TSHZ1: variants seen among roughly 807,000 people sequenced by gnomAD.
TSHZ1 encodes teashirt zinc finger homeobox 1, also known as teashirt homolog 1.
Under a neutral mutation model 67.1 loss-of-function variants are expected in TSHZ1, and 12 were observed. The ratio of observed to expected loss-of-function variants is 0.18; its 90% confidence interval spans 0.11 to 0.29. The LOEUF (loss-of-function observed/expected upper bound fraction) is 0.29, where lower values mean the gene tolerates loss of function less well. TSHZ1 is among the 10% of genes least tolerant of loss of function. The pLI is 1.00. For synonymous variants in TSHZ1, 632 were observed against 622.4 expected (o/e 1.02, Z -0.23); for missense variants, 1,305 against 1,413.9 (o/e 0.92, Z 1.23).
At chr18:75,218,950 A>G (rs978930812) in intron 1 of TSHZ1, among the ~76,000 whole-genome samples, 18 of 152,336 alleles carry the variant, frequency 1.2e-4, no homozygotes, top group African/African-American at 4.3e-4. Flanking sequence ...AATTTTTTTG[A>G]GTCAAGAATA....
intron 1 of TSHZ1, among the ~76,000 whole-genome samples, chr18:75,249,471 G>T (rs1249027260): frequency 6.7e-6 from 1 of 148,330 alleles, no homozygotes; most frequent in Non-Finnish European, 1.5e-5. Context: ...GTGGATGGGG[G>T]TGGCTTTGGT....
rs112421169 is a variant in TSHZ1, at chr18:75,267,703, G to A, written c.41-17745G>A. 2.1e-4 allele frequency among the ~76,000 whole-genome samples: 32 copies of A among 152,310 alleles called. 1 individual carries two copies. Among genetic ancestry groups the A allele is most frequent in the African/African-American group, 6.5e-4 (27 of 41,568 alleles). On this transcript the variant is annotated intron_variant, in intron 1 of 1. Transcript: ENST00000580243. ...CTGAAAAGAGGAAGAGAGACCTTTC[G>A]TATGCATATTCAGTTCTGACACATG...
chr18:75,282,676 T>A (rs2023700823), intron 1 of TSHZ1, among the ~76,000 whole-genome samples: 1 of 152,128 alleles, frequency 6.6e-6, no homozygotes, highest in African/African-American at 2.4e-5. Context: ...GGGAGAGCCC[T>A]CACCAGAAAC....
rs989536257 is a variant in TSHZ1, at chr18:75,269,540, G to C, written c.41-15908G>C. Among the ~76,000 whole-genome samples, 4 of 152,208 alleles carry C rather than the reference G, an allele frequency of 2.6e-5. No homozygotes were observed. In the East Asian group the frequency reaches 7.7e-4, roughly 29 times the overall value. Reference sequence around the variant, plus strand: ...GGAGCCTGTTTGTCGAGGGGCAGCTGTCGGGTGGAGCAGAGCTGACTCCAC... The same window carrying C: ...GGAGCCTGTTTGTCGAGGGGCAGCTCTCGGGTGGAGCAGAGCTGACTCCAC... On this transcript the variant is annotated intron_variant, in intron 1 of 1. Transcript: ENST00000580243.
chr18:75,286,791 G>A lies in TSHZ1; in HGVS notation c.1384G>A (p.Glu462Lys). 3 of 1,613,678 alleles carry A rather than the reference G, an allele frequency of 1.9e-6. No homozygotes were observed. The highest frequency in any genetic ancestry group is 1.3e-5 in the African/African-American group (1 of 75,046). Residue 462 changes from glutamate to lysine, a missense_variant, in exon 2 of 2, where the codon GAA (glutamate) becomes AAA (lysine). Around this residue, in one of 3 missense-constraint regions of TSHZ1, gnomAD observed 909 missense variants for 961.8 expected, o/e 0.95. Transcript: ENST00000580243. The surrounding 1 kb of genome is among the most constrained non-coding windows in gnomAD (Gnocchi z 5.1). ...GKQLVLDPVV[E>K]EKIQSIPLPP... ...GCAGTTGGTGCTGGACCCTGTGGTGGAAGAGAAGATCCAGTCCATCCCACT... is the reference window on the plus strand; with the variant it reads ...GCAGTTGGTGCTGGACCCTGTGGTGAAAGAGAAGATCCAGTCCATCCCACT...
chr18:75,287,455 C>T lies in TSHZ1; in HGVS notation c.2048C>T (p.Thr683Met), dbSNP rs148177355. The change falls in exon 2 of 2, where the codon ACG becomes ATG. Residue 683 changes from threonine to methionine, a missense_variant. By Grantham distance (81) the Thr-to-Met change is moderately conservative. Coordinates refer to ENST00000580243, the MANE Select transcript of TSHZ1 (RefSeq NM_001308210.2). The surrounding 1 kb of genome is among the most constrained non-coding windows in gnomAD (Gnocchi z 5.0). ...IAKENKDFPK[T>M]EEVSGKPQKK... Reference sequence around the variant, plus strand: ...AAAGAGAATAAAGATTTCCCGAAAACGGAGGAAGTCAGCGGCAAACCACAG... The same window carrying T: ...AAAGAGAATAAAGATTTCCCGAAAATGGAGGAAGTCAGCGGCAAACCACAG... 189 of 1,614,168 alleles carry T rather than the reference C, an allele frequency of 1.2e-4. No individual in the cohort carries two copies. The highest frequency in any genetic ancestry group is 7.6e-4 in the African/African-American group (57 of 75,050).
chr18:75,264,158 C>T (rs578096123), intron 1 of TSHZ1, among the ~76,000 whole-genome samples: 2 of 152,292 alleles, frequency 1.3e-5, no homozygotes, highest in South Asian at 2.1e-4. Flanking sequence ...GTACAATAAT[C>T]AGAAGTATGT....
intron 1 of TSHZ1, among the ~76,000 whole-genome samples, chr18:75,233,219 T>C (rs2023023159): frequency 6.6e-6 from 1 of 152,246 alleles, no homozygotes; most frequent in Non-Finnish European, 1.5e-5. Context: ...TGCTCCGTTA[T>C]CTCTTTAAAT....
chr18:75,271,339 A>C (rs1044507400), intron 1 of TSHZ1, among the ~76,000 whole-genome samples: 1 of 152,204 alleles, frequency 6.6e-6, no homozygotes, highest in South Asian at 2.1e-4. Flanking sequence ...GAATACTGTG[A>C]AGAATGCTTG....
intron 1 of TSHZ1, among the ~76,000 whole-genome samples, chr18:75,262,193 T>C (rs2023438384): frequency 6.6e-6 from 1 of 152,200 alleles, no homozygotes; most frequent in South Asian, 2.1e-4. Flanking sequence ...GCATTTATTT[T>C]GCTCCAATAG....
intron 1 of TSHZ1, among the ~76,000 whole-genome samples, chr18:75,221,375 A>G (rs902640384): frequency 2.0e-5 from 3 of 152,246 alleles, no homozygotes; most frequent in Non-Finnish European, 4.4e-5. Context: ...TCAGCAGTGA[A>G]GGTCAGTATA....
At chr18:75,259,673 C>T (rs1244413394) in intron 1 of TSHZ1, among the ~76,000 whole-genome samples, 4 of 152,106 alleles carry the variant, frequency 2.6e-5, no homozygotes, top group Admixed American at 6.5e-5. Context: ...AATTGTTAAT[C>T]TCTTACTGTG....
At chr18:75,216,447 A>T (rs1325462606) in intron 1 of TSHZ1, among the ~76,000 whole-genome samples, 1 of 152,210 alleles carries the variant, frequency 6.6e-6, no homozygotes, top group Non-Finnish European at 1.5e-5. Flanking sequence ...GGATCTGGGT[A>T]GGAAGTTAGA....
chr18:75,231,945 G>C (rs898738101), intron 1 of TSHZ1, among the ~76,000 whole-genome samples: 4 of 151,166 alleles, frequency 2.6e-5, no homozygotes, highest in Admixed American at 6.6e-5. Flanking sequence ...ATCTCGCTTT[G>C]TCACCCAGGC....
At chr18:75,231,050 A>G (rs554306130) in intron 1 of TSHZ1, among the ~76,000 whole-genome samples, 1 of 152,264 alleles carries the variant, frequency 6.6e-6, no homozygotes, top group South Asian at 2.1e-4. Flanking sequence ...GGCCAGCCTG[A>G]TGGTGTTTTT....
At chr18:75,227,666 C>T (rs917862535) in intron 1 of TSHZ1, among the ~76,000 whole-genome samples, 6 of 152,188 alleles carry the variant, frequency 3.9e-5, no homozygotes, top group African/African-American at 9.7e-5. Flanking sequence ...CTTTGTACTT[C>T]GTACAGTCCC....
chr18:75,238,488 C>G (rs1210764559), intron 1 of TSHZ1, among the ~76,000 whole-genome samples: 1 of 152,098 alleles, frequency 6.6e-6, no homozygotes, highest in African/African-American at 2.4e-5. Flanking sequence ...GGTTTGTTTT[C>G]TGTACAGGGG....
At chr18:75,232,361 G>A (rs2023011157) in intron 1 of TSHZ1, among the ~76,000 whole-genome samples, 1 of 152,158 alleles carries the variant, frequency 6.6e-6, no homozygotes, top group Admixed American at 6.5e-5. Context: ...TTGTATACTA[G>A]TATCTTTTTA....
intron 1 of TSHZ1, among the ~76,000 whole-genome samples, chr18:75,276,368 G>A (rs71359080): frequency 0.12 from 17,716 of 151,902 alleles, 1,098 homozygotes; most frequent in African/African-American, 0.14. Flanking sequence ...TTCCTGCAAG[G>A]AATCAGAACG....
Sources: allele counts gnomAD v4.1 joint callset (sites outside exome capture counted in the v4.1 genomes callset), GRCh38; gene constraint gnomAD v4.1.1; regional missense constraint gnomAD v4.1.1; non-coding constraint Gnocchi (gnomAD v3.1); transcripts MANE v1.5; gene names NCBI Gene and HGNC (gene_info 2026-07-23, HGNC 2026-07-21).